LOC122539214: variants seen among roughly 807,000 people sequenced by gnomAD.
the LOC122539214 span, among the ~76,000 whole-genome samples, chr19:52,672,233 CAA>C: frequency 6.6e-6 from 1 of 151,490 alleles, no homozygotes; most frequent in African/African-American, 2.4e-5. Flanking sequence ...GATTCTGTCT[CAA>C]AAAAATAAAA....
the LOC122539214 span, among the ~76,000 whole-genome samples, chr19:52,675,751 T>C: frequency 0.3 from 45,201 of 152,056 alleles, 7,111 homozygotes; most frequent in East Asian, 0.52. Context: ...TAGGAGTGAA[T>C]TTTGTGCATG....
chr19:52,659,443 C>A, the LOC122539214 span, among the ~76,000 whole-genome samples: 1 of 152,092 alleles, frequency 6.6e-6, no homozygotes, highest in African/African-American at 2.4e-5. Context: ...AATGTTCAGA[C>A]AGTTGCTTAA....
chr19:52,678,278 C>T, the LOC122539214 span, among the ~76,000 whole-genome samples: 7 of 151,286 alleles, frequency 4.6e-5, no homozygotes, highest in Non-Finnish European at 7.4e-5. Context: ...TGGTGAAACC[C>T]CGTCTTACTA....
the LOC122539214 span, among the ~76,000 whole-genome samples, chr19:52,688,423 C>T: frequency 2.0e-5 from 3 of 152,090 alleles, no homozygotes; most frequent in South Asian, 6.2e-4. Flanking sequence ...ATCCCCCTGC[C>T]TCAGTCTTCT....
At chr19:52,652,709 G>A in the LOC122539214 span, 14 of 665,758 alleles carry the variant, frequency 2.1e-5, no homozygotes, top group African/African-American at 1.4e-4. Context: ...AGGACTTTGT[G>A]AGAATCATTA....
chr19:52,653,738 GT>G, the LOC122539214 span, among the ~76,000 whole-genome samples: 6 of 152,298 alleles, frequency 3.9e-5, no homozygotes, highest in African/African-American at 1.2e-4. Context: ...CACTTGTAAG[GT>G]TTTTCTCCAG....
At chr19:52,660,131 AAT>A in the LOC122539214 span, among the ~76,000 whole-genome samples, 1 of 70,072 alleles carries the variant, frequency 1.4e-5, no homozygotes, top group African/African-American at 4.2e-5. Flanking sequence ...TGGTGGTAAG[AAT>A]CATGGTGGTA....
the LOC122539214 span, chr19:52,655,499 A>C: frequency 7.2e-6 from 10 of 1,383,938 alleles, no homozygotes; most frequent in Non-Finnish European, 1.0e-5. Context: ...AGAATACAAA[A>C]CCAGGAAGAG....
the LOC122539214 span, among the ~76,000 whole-genome samples, chr19:52,683,422 G>A: frequency 6.6e-6 from 1 of 151,822 alleles, no homozygotes; most frequent in Non-Finnish European, 1.5e-5. Context: ...TGAAGTCACG[G>A]AGCCTCCAGC....
At chr19:52,681,280 CAAAAAAAA>C in the LOC122539214 span, among the ~76,000 whole-genome samples, 3 of 75,440 alleles carry the variant, frequency 4.0e-5, no homozygotes, top group Non-Finnish European at 5.0e-5. Flanking sequence ...GAGACTTTCT[CAAAAAAAA>C]AAAAAAAAAA....
At chr19:52,657,923 G>A in the LOC122539214 span, among the ~76,000 whole-genome samples, 2 of 151,522 alleles carry the variant, frequency 1.3e-5, no homozygotes, top group Non-Finnish European at 2.9e-5. Context: ...GATCACCTGA[G>A]GTTGGTAGCT....
chr19:52,652,545 A>G, the LOC122539214 span: 4 of 444,794 alleles, frequency 9.0e-6, no homozygotes, highest in Admixed American at 8.0e-5. Context: ...CCTTGCTGCA[A>G]TCATGACATT....
chr19:52,688,638 T>A, the LOC122539214 span, among the ~76,000 whole-genome samples: 2 of 151,994 alleles, frequency 1.3e-5, no homozygotes, highest in Non-Finnish European at 2.9e-5. Flanking sequence ...TTCCTTCTCT[T>A]CCACCTCTTC....
chr19:52,658,638 C>T, the LOC122539214 span, among the ~76,000 whole-genome samples: 9 of 152,204 alleles, frequency 5.9e-5, no homozygotes, highest in South Asian at 8.3e-4. Flanking sequence ...TTTGGAAGGC[C>T]GAAAGGTTAT....
At chr19:52,666,038 C>T in the LOC122539214 span, among the ~76,000 whole-genome samples, 1 of 151,552 alleles carries the variant, frequency 6.6e-6, no homozygotes, top group African/African-American at 2.4e-5. Context: ...GTGATGGGTG[C>T]CTGTAGTCCC....
At chr19:52,664,672 C>A in the LOC122539214 span, among the ~76,000 whole-genome samples, 1 of 142,872 alleles carries the variant, frequency 7.0e-6, no homozygotes, top group East Asian at 2.1e-4. Context: ...CGGGCCTGAG[C>A]AAGGCCAGGA....
chr19:52,669,057 T>A, the LOC122539214 span, among the ~76,000 whole-genome samples: 2 of 152,324 alleles, frequency 1.3e-5, no homozygotes, highest in African/African-American at 4.8e-5. Context: ...TTTCAAAAGT[T>A]TACCAATCAG....
chr19:52,680,065 GCTA>G, the LOC122539214 span, among the ~76,000 whole-genome samples: 1 of 152,124 alleles, frequency 6.6e-6, no homozygotes, highest in African/African-American at 2.4e-5. Flanking sequence ...GGTAATCCCA[GCTA>G]CTTGAGAGGC....
At chr19:52,683,431 G>T in the LOC122539214 span, among the ~76,000 whole-genome samples, 1 of 151,780 alleles carries the variant, frequency 6.6e-6, no homozygotes, top group African/African-American at 2.4e-5. Context: ...GGAGCCTCCA[G>T]CTCCTCCGGA....
Sources: gnomAD v4.1 joint callset for allele counts (sites outside exome capture counted in the v4.1 genomes callset) on GRCh38, gnomAD v4.1.1 for gene constraint, MANE v1.5 for transcripts.